The following ACCSL variants were observed in gnomAD, a reference collection of about 807,000 sequenced individuals.
The protein encoded by ACCSL is probable inactive 1-aminocyclopropane-1-carboxylate synthase-like protein 2.
Under a neutral mutation model 61.7 loss-of-function variants are expected in ACCSL, and 55 were observed. The observed-to-expected ratio is 0.89, with a 90% CI of 0.72 to 1.12. The LOEUF (loss-of-function observed/expected upper bound fraction) is 1.12. ACCSL is among the 50% of genes most tolerant of loss of function. The probability of loss-of-function intolerance (pLI) is 0.00; values close to 1 mark genes in which losing one functional copy is unlikely to be tolerated. For missense variants in ACCSL, 632 were observed against 698.0 expected, an observed-to-expected ratio of 0.91 and a Z score of 1.07; for synonymous variants, 258 against 264.3, an observed-to-expected ratio of 0.98 and a Z score of 0.23.
chr11:43,979,657 A>G, the ACCSL span, among the ~76,000 whole-genome samples: 1 of 152,134 alleles, frequency 6.6e-6, no homozygotes, highest in African/African-American at 2.4e-5. Flanking sequence ...GTTTCTAATT[A>G]TAAAAGAGAT....
chr11:44,051,868 T>C (rs1041022883), intron 5 of ACCSL, 149 bp downstream of exon 5: 3 of 864,396 alleles, frequency 3.5e-6, no homozygotes, highest in Non-Finnish European at 5.5e-6. Context: ...GACTAGGTTA[T>C]CTTCCTATTT....
At chr11:44,043,479 A>G (rs1952585161), upstream of ACCSL, among the ~76,000 whole-genome samples, 1 of 151,832 alleles carries the variant, frequency 6.6e-6, no homozygotes, top group Admixed American at 6.6e-5. Context: ...TGAAAGGTAC[A>G]TTTTTTTCCT....
chr11:43,992,800 A>G, the ACCSL span, among the ~76,000 whole-genome samples: 2 of 152,228 alleles, frequency 1.3e-5, no homozygotes, highest in African/African-American at 4.8e-5. Context: ...ATAGACCACG[A>G]AATGTATAAT....
At chr11:43,923,380 A>G in the ACCSL span, among the ~76,000 whole-genome samples, 1 of 152,058 alleles carries the variant, frequency 6.6e-6, no homozygotes. Context: ...TATTTTTTTT[A>G]ATGGTGGCTT....
At chr11:43,929,699 G>A in the ACCSL span, among the ~76,000 whole-genome samples, 3 of 152,130 alleles carry the variant, frequency 2.0e-5, no homozygotes, top group African/African-American at 7.2e-5. Context: ...GAGCCACCAT[G>A]CCCGACCGCT....
chr11:44,015,344 G>A, the ACCSL span, among the ~76,000 whole-genome samples: 44 of 152,172 alleles, frequency 2.9e-4, no homozygotes, highest in African/African-American at 1.1e-3. Context: ...ATCCTTACAG[G>A]ACTTACACTC....
chr11:43,954,891 C>A, the ACCSL span, among the ~76,000 whole-genome samples: 3 of 152,226 alleles, frequency 2.0e-5, no homozygotes, highest in East Asian at 5.8e-4. Flanking sequence ...GGCCCTGTAT[C>A]TTTACTGTAC....
the ACCSL span, among the ~76,000 whole-genome samples, chr11:43,957,942 C>A: frequency 6.6e-6 from 1 of 152,208 alleles, no homozygotes; most frequent in East Asian, 1.9e-4. Context: ...TTGCAAAAAT[C>A]ATAACTGAGA....
chr11:43,985,531 G>A, the ACCSL span, among the ~76,000 whole-genome samples: 1 of 152,204 alleles, frequency 6.6e-6, no homozygotes, highest in African/African-American at 2.4e-5. Context: ...TAATTATCAT[G>A]TCTTCTCCCC....
At chr11:44,055,963 A>G in intron 9 of ACCSL, 77 bp from the exon 10 acceptor site, 2 of 1,558,348 alleles carry the variant, frequency 1.3e-6, no homozygotes, top group Non-Finnish European at 1.8e-6. Context: ...CCTCAAATCT[A>G]CTTTCCCCTC....
the ACCSL span, among the ~76,000 whole-genome samples, chr11:43,971,194 A>G: frequency 1.3e-5 from 2 of 151,104 alleles, no homozygotes; most frequent in African/African-American, 4.9e-5. Context: ...TTAGCCGGGC[A>G]TGGTGGCACA....
At chr11:43,924,929 A>T in the ACCSL span, 1 of 158,440 alleles carries the variant, frequency 6.3e-6, no homozygotes, top group Non-Finnish European at 1.4e-5. Context: ...GGAGCCCCAC[A>T]GAAGTGTCTC....
rs1952698056 is a variant in ACCSL at position 44,059,977 on chromosome 11, T to G, written c.*57T>G. ...CATCACTTGCTCAGGGACCCCCTAA[T>G]GTCAGCCTCTGGCCCAGAAGGCCAG... On this transcript the variant is annotated 3_prime_UTR_variant, in exon 14 of 14. Transcript: ENST00000378832. The G allele has an allele frequency of 6.6e-7, 1 of 1,515,708 alleles. No individual in the cohort carries two copies. The highest frequency in any genetic ancestry group is 9.1e-7 in the Non-Finnish European group (1 of 1,094,606). The allele number at this position is 1,515,708 out of a possible 1,614,324, so 93.9% of individuals were successfully genotyped here.
the ACCSL span, among the ~76,000 whole-genome samples, chr11:44,015,622 G>A: frequency 2.2e-4 from 33 of 152,314 alleles, no homozygotes; most frequent in African/African-American, 7.2e-4. Flanking sequence ...GTGGTGTTTC[G>A]CTTCTACCCT....
the ACCSL span, among the ~76,000 whole-genome samples, chr11:43,976,671 G>C: frequency 1.3e-5 from 2 of 152,118 alleles, no homozygotes; most frequent in Non-Finnish European, 2.9e-5. Flanking sequence ...TCTGTGGAAG[G>C]GGAAGGCACA....
At chr11:44,026,504 G>C in the ACCSL span, among the ~76,000 whole-genome samples, 128 of 152,106 alleles carry the variant, frequency 8.4e-4, no homozygotes, top group Admixed American at 1.6e-3. Flanking sequence ...CTGATTTAAA[G>C]TCTTTAGTAA....
the ACCSL span, among the ~76,000 whole-genome samples, chr11:43,971,886 C>A: frequency 1.3e-5 from 2 of 152,314 alleles, no homozygotes; most frequent in Admixed American, 1.3e-4. Flanking sequence ...CACCAGTGCT[C>A]CCTGACAGTT....
At chr11:44,042,504 G>A in the ACCSL span, among the ~76,000 whole-genome samples, 2 of 149,630 alleles carry the variant, frequency 1.3e-5, no homozygotes, top group Non-Finnish European at 3.0e-5. Flanking sequence ...ATTTTTTTTT[G>A]TAGAGATGAG....
At chr11:44,005,308 C>T in the ACCSL span, among the ~76,000 whole-genome samples, 1 of 152,136 alleles carries the variant, frequency 6.6e-6, no homozygotes, top group Non-Finnish European at 1.5e-5. Flanking sequence ...TGCCTAATTA[C>T]TGCTGATCGT....
Sources: gnomAD v4.1 joint callset for allele counts (sites outside exome capture counted in the v4.1 genomes callset) on GRCh38, gnomAD v4.1.1 for gene constraint, MANE v1.5 for transcripts, NCBI Gene and HGNC (gene_info 2026-07-23, HGNC 2026-07-21) for gene names.